The following MAP3K15 variants were observed in gnomAD, a reference collection of about 807,000 sequenced individuals.
MAP3K15 encodes the protein MAPK/ERK kinase kinase 15.
Under a neutral mutation model 99.5 loss-of-function variants are expected in MAP3K15, and 124 were observed. That is an observed-to-expected ratio of 1.25 (90% CI 1.08 to 1.45). The LOEUF is 1.45. Among genes scored for constraint, MAP3K15 ranks in the 40% most tolerant of loss-of-function variants. The pLI is 0.00. For synonymous variants in MAP3K15, 494 were observed against 439.6 expected, an observed-to-expected ratio of 1.12 and a Z score of -1.55; for missense variants, 1,242 against 1,079.7, an observed-to-expected ratio of 1.15 and a Z score of -2.11.
intron 4 of MAP3K15, among the ~76,000 whole-genome samples, chrX:19,462,816 G>A (rs1369467739): frequency 1.8e-5 from 2 of 112,088 alleles, no homozygotes; most frequent in African/African-American, 3.2e-5. Context: ...TGTTATAGAT[G>A]TTTTAAACTA....
intron 13 of MAP3K15, among the ~76,000 whole-genome samples, chrX:19,402,025 T>G (rs1255349691): frequency 1.8e-5 from 2 of 111,930 alleles, no homozygotes; most frequent in Non-Finnish European, 3.8e-5. Context: ...TAGTGGCTCA[T>G]GCCTGTAATC....
intron 11 of MAP3K15, among the ~76,000 whole-genome samples, chrX:19,410,753 G>A (rs965733802): frequency 1.4e-4 from 16 of 111,716 alleles, no homozygotes; most frequent in Non-Finnish European, 2.6e-4. Context: ...AAACTAACTC[G>A]GTCCCCTCCC....
chrX:19,372,742 T>C lies in MAP3K15; in HGVS notation c.3019A>G (p.Lys1007Glu), dbSNP rs767620765. The C allele has an allele frequency of 9.3e-5, 112 of 1,209,365 alleles. No individual in the cohort carries two copies. The highest frequency in any genetic ancestry group is 1.2e-4 in the Non-Finnish European group (108 of 894,647). Residue 1007 changes from lysine (K) to glutamate (E), a missense_variant, in exon 22 of 29, where the codon AAG (lysine) becomes GAG (glutamate). Coordinates refer to ENST00000338883, the MANE Select transcript of MAP3K15 (RefSeq NM_001001671.4). ...DRDQGLFLLRKDSERRAILYK... is the reference protein window; with the variant it reads ...DRDQGLFLLREDSERRAILYK... The stretch of plus-strand genomic sequence containing the variant: ...AGGATGGCACGGCGCTCACTGTCCT[T>C]GCGTAGCAGGAAGAGGCCCTGGTCC...
Position 19,373,713 on chromosome X carries a change from G to A in MAP3K15, c.2774-18C>T. On this transcript the variant is annotated intron_variant, in intron 20 of 28. Transcript: ENST00000338883. The stretch of plus-strand genomic sequence containing the variant: ...GGGACCTTCTGTAGGGGGACAGCCA[G>A]ACACCGAATGGGGAGACTCAGAGAG... The A allele has an allele frequency of 8.4e-7, 1 of 1,193,299 alleles. No homozygotes were observed. Among genetic ancestry groups the A allele is most frequent in the Non-Finnish European group, 1.1e-6 (1 of 891,622 alleles).
intron 3 of MAP3K15, among the ~76,000 whole-genome samples, chrX:19,478,422 A>G (rs951127489): frequency 9.3e-6 from 1 of 107,730 alleles, no homozygotes; most frequent in Non-Finnish European, 1.9e-5. Flanking sequence ...GTCCCTAAGC[A>G]ATCCATATCA....
chrX:19,410,214 A>C (rs2063676953), intron 11 of MAP3K15, among the ~76,000 whole-genome samples: 1 of 112,581 alleles, frequency 8.9e-6, no homozygotes. Context: ...TCTAAGTTTC[A>C]GATAGAAATA....
chrX:19,447,212 C>T (rs12006668), intron 6 of MAP3K15, among the ~76,000 whole-genome samples: 6,846 of 111,473 alleles, frequency 0.061, 534 homozygotes, highest in African/African-American at 0.21. Context: ...TTCTTGTCTT[C>T]TGTATGTCCA....
At position 19,398,297 on chromosome X, in the gene MAP3K15, A is replaced by T. The variant is rs1251143209; in HGVS notation, c.1995T>A (p.Ile665=). 1 of 1,208,719 alleles carries T rather than the reference A, an allele frequency of 8.3e-7. No homozygotes were observed. Among genetic ancestry groups the T allele is most frequent in the Admixed American group, 2.2e-5 (1 of 45,550 alleles). ...TGCTCAGATCTCGGCCAGCATACACAATCCCATACGTGCCTTTCCCCAAGA... is the reference window on the plus strand; with the variant it reads ...TGCTCAGATCTCGGCCAGCATACACTATCCCATACGTGCCTTTCCCCAAGA... ...RVVLGKGTYG[I]VYAGRDLSNQ... is the part of the protein sequence containing the mutation. The change falls in exon 15 of 29, where the codon ATT becomes ATA. Residue 665 remains isoleucine, a synonymous_variant. Coordinates refer to ENST00000338883, the MANE Select transcript of MAP3K15 (RefSeq NM_001001671.4).
In MAP3K15 at chrX:19,515,118, G is replaced by A; in HGVS notation, c.144C>T (p.Ser48=). ...DGAAEGAAGG[S]GEGESGGGPR... ...GCCCGCCCCCACTCTCGCCCTCGCC[G>A]CTGCCGCCTGCCGCGCCCTCCGCCG... Residue 48 remains serine, a synonymous_variant, in exon 1 of 29, where the codon AGC becomes AGT. Coordinates refer to ENST00000338883, the MANE Select transcript of MAP3K15 (RefSeq NM_001001671.4). The A allele has an allele frequency of 1.2e-6, 1 of 811,939 alleles. No individual in the cohort carries two copies. The highest frequency in any genetic ancestry group is 4.8e-5 in the South Asian group (1 of 20,761). 66.9% of individuals were successfully genotyped at this position (811,939 alleles called of 1,213,427 possible).
At chrX:19,364,523 C>G (rs1189161634) in intron 25 of MAP3K15, among the ~76,000 whole-genome samples, 1 of 111,474 alleles carries the variant, frequency 9.0e-6, no homozygotes, top group Non-Finnish European at 1.9e-5. Context: ...GCACAGAAAC[C>G]AGAACTCCTC....
intron 13 of MAP3K15, among the ~76,000 whole-genome samples, chrX:19,402,899 C>A (rs1196765246): frequency 9.0e-6 from 1 of 111,524 alleles, no homozygotes; most frequent in Non-Finnish European, 1.9e-5. Context: ...CTCCTGGGAT[C>A]AACCGATCCT....
intron 6 of MAP3K15, among the ~76,000 whole-genome samples, chrX:19,451,286 AAAAAAAAAAG>A (rs201555078): frequency 0.053 from 5,449 of 103,692 alleles, 419 homozygotes; most frequent in African/African-American, 0.18. Flanking sequence ...TTCCAAAAAA[AAAAAAAAAAG>A]AAGAAGATCA....
At chrX:19,501,671 G>A (rs2064441160) in intron 1 of MAP3K15, among the ~76,000 whole-genome samples, 1 of 112,307 alleles carries the variant, frequency 8.9e-6, no homozygotes, top group African/African-American at 3.2e-5. Flanking sequence ...GAGCTGGGTA[G>A]ATATTCGTAG....
chrX:19,399,853 C>G (rs1430088074), intron 14 of MAP3K15, among the ~76,000 whole-genome samples: 1 of 110,856 alleles, frequency 9.0e-6, no homozygotes, highest in African/African-American at 3.3e-5. Context: ...CACCTCCCTC[C>G]GATTCCCACA....
At chrX:19,434,025 A>G (rs1358905075) in intron 6 of MAP3K15, among the ~76,000 whole-genome samples, 2 of 111,811 alleles carry the variant, frequency 1.8e-5, no homozygotes, top group Non-Finnish European at 3.8e-5. Context: ...AAAAACCTGA[A>G]CTAAATGAAA....
At chrX:19,407,127 G>A in intron 13 of MAP3K15, 61 bp downstream of exon 13, 1 of 633,654 alleles carries the variant, frequency 1.6e-6, no homozygotes, top group Non-Finnish European at 2.4e-6. Context: ...TCAGAACAAA[G>A]GCCCTTTAAA....
intron 25 of MAP3K15, among the ~76,000 whole-genome samples, chrX:19,368,342 A>G (rs1357915474): frequency 1.8e-5 from 2 of 112,018 alleles, no homozygotes; most frequent in South Asian, 7.3e-4. Context: ...GGGTTTCACC[A>G]TGTTGGCCAG....
chrX:19,442,849 A>T (rs1336615666), intron 6 of MAP3K15, among the ~76,000 whole-genome samples: 1 of 104,710 alleles, frequency 9.6e-6, no homozygotes, highest in Non-Finnish European at 1.9e-5. Context: ...CAGCCTCCCG[A>T]GTACCTGGGA....
chrX:19,371,107 A>C, intron 23 of MAP3K15, 43 bp from the exon 24 acceptor site: 13 of 1,029,975 alleles, frequency 1.3e-5, no homozygotes, highest in Non-Finnish European at 1.7e-5. Flanking sequence ...AATCACAAAA[A>C]TCCAGATTTC....
Sources: gnomAD v4.1 joint callset for allele counts (sites outside exome capture counted in the v4.1 genomes callset) on GRCh38, gnomAD v4.1.1 for gene constraint, MANE v1.5 for transcripts, NCBI Gene and HGNC (gene_info 2026-07-23, HGNC 2026-07-21) for gene names.